The following PCDHA3 variants were observed in gnomAD, a reference collection of about 807,000 sequenced individuals.
The protein encoded by PCDHA3 is protocadherin alpha-3.
Under a neutral mutation model 62.2 loss-of-function variants are expected in PCDHA3, and 41 were observed. The ratio of observed to expected loss-of-function variants is 0.66; its 90% confidence interval spans 0.51 to 0.86. The LOEUF (loss-of-function observed/expected upper bound fraction) is 0.86, where lower values mean the gene tolerates loss of function less well. PCDHA3 is among the 40% of genes least tolerant of loss of function. The pLI, the probability that PCDHA3 is intolerant of heterozygous loss-of-function variation, is 0.00. For missense variants in PCDHA3, 1,304 were observed against 1,241.2 expected (o/e 1.05, Z -0.76); for synonymous variants, 640 against 555.4 (o/e 1.15, Z -2.14).
intron 1 of PCDHA3, among the ~76,000 whole-genome samples, chr5:140,910,829 C>G (rs938702955): frequency 6.6e-6 from 1 of 152,184 alleles, no homozygotes; most frequent in Non-Finnish European, 1.5e-5. Flanking sequence ...TAAATTCAGC[C>G]TGATCCAATG....
At chr5:140,863,270 T>C (rs1554158046) in intron 1 of PCDHA3, 1 of 1,459,904 alleles carries the variant, frequency 6.8e-7, no homozygotes, top group Admixed American at 1.8e-5. Flanking sequence ...GAGGCAGCGC[T>C]GGTGGATGTC....
intron 1 of PCDHA3, among the ~76,000 whole-genome samples, chr5:140,970,875 AT>A (rs1213440334): frequency 6.6e-6 from 1 of 152,100 alleles, no homozygotes; most frequent in African/African-American, 2.4e-5. Flanking sequence ...TTGAGAGTAG[AT>A]TTTTCTCATG....
At chr5:140,990,836 C>G (rs1358432111) in intron 3 of PCDHA3, among the ~76,000 whole-genome samples, 1 of 152,120 alleles carries the variant, frequency 6.6e-6, no homozygotes, top group East Asian at 1.9e-4. Context: ...AGCCTATTAG[C>G]AAAAATAGAG....
At position 141,010,070 on chromosome 5, in the gene PCDHA3, C is replaced by A. The variant is rs1331011642; in HGVS notation, c.*133C>A. The A allele has an allele frequency of 3.7e-5, 60 of 1,605,422 alleles. No individual in the cohort carries two copies. Among genetic ancestry groups the A allele is most frequent in the Non-Finnish European group, 5.0e-5 (59 of 1,175,768 alleles). ...AGACCTCAGAAATCTGCAGAAAGTT[C>A]CCTGTGTCTGTCTAGAACGCATTTA... is the stretch of plus-strand genomic sequence containing the variant. On this transcript the variant is annotated 3_prime_UTR_variant, in exon 4 of 4. Coordinates refer to ENST00000522353, the MANE Select transcript of PCDHA3 (RefSeq NM_018906.3).
rs199785183 is a variant in PCDHA3 at position 140,850,432 on chromosome 5, G to T, written c.2394+46841G>T. On this transcript the variant is annotated intron_variant, in intron 1 of 3. Transcript: ENST00000522353. ...GACGAAACGGACGCACCGCGCCAGC[G>T]CCTACTGGTGCTGGTGAAAGACCAC... 1.6e-4 allele frequency: 251 copies of T among 1,597,712 alleles called. 21 individuals carry two copies. The highest frequency in any genetic ancestry group is 3.2e-4 in the Admixed American group (19 of 59,266).
At chr5:140,808,306 C>A (rs1210807010) in intron 1 of PCDHA3, 4 of 1,614,254 alleles carry the variant, frequency 2.5e-6, no homozygotes, top group East Asian at 4.5e-5. Flanking sequence ...CCCTGATCAG[C>A]GTGTCCGACA....
At chr5:140,818,133 G>A (rs1433395378) in intron 1 of PCDHA3, among the ~76,000 whole-genome samples, 10 of 152,200 alleles carry the variant, frequency 6.6e-5, no homozygotes, top group Non-Finnish European at 8.8e-5. Flanking sequence ...AGATTTAGCA[G>A]TATGCCTTCA....
rs1247544483 is a variant in PCDHA3, at chr5:140,836,573, C to T, written c.2394+32982C>T. 4.3e-6 allele frequency: 7 copies of T among 1,613,572 alleles called. 1 individual carries two copies. Among genetic ancestry groups the T allele is most frequent in the Non-Finnish European group, 5.9e-6 (7 of 1,179,840 alleles). ...GGTGCTCAGCGCCGTCCTCTGAGGGCGCATGTAGTTTGGTAAAGCCCACTC... is the reference window on the plus strand; with the variant it reads ...GGTGCTCAGCGCCGTCCTCTGAGGGTGCATGTAGTTTGGTAAAGCCCACTC... On this transcript the variant is annotated intron_variant, in intron 1 of 3. Coordinates refer to ENST00000522353, the MANE Select transcript of PCDHA3 (RefSeq NM_018906.3).
At position 140,884,316 on chromosome 5, in the gene PCDHA3, C is replaced by T. The variant is rs563652109; in HGVS notation, c.2394+80725C>T. The T allele has an allele frequency of 3.1e-6, 5 of 1,613,752 alleles. No individual in the cohort carries two copies. The East Asian group carries it at 8.9e-5, about 29-fold the overall frequency. On this transcript the variant is annotated intron_variant, in intron 1 of 3. Coordinates refer to ENST00000522353, the MANE Select transcript of PCDHA3 (RefSeq NM_018906.3). ...GCGCCACAGGCTTCGTCGAGGGCGT[C>T]GGCAGGCGCTGTGGGTCCAGAAGCG...
chr5:140,868,937 C>T (rs2050742656), intron 1 of PCDHA3: 1 of 1,209,168 alleles, frequency 8.3e-7, no homozygotes, highest in East Asian at 2.5e-5. Flanking sequence ...AAAGGTTGGT[C>T]TGAACAGTGA....
chr5:140,835,845 G>C, intron 1 of PCDHA3: 2 of 1,612,312 alleles, frequency 1.2e-6, no homozygotes, highest in Non-Finnish European at 1.7e-6. Context: ...GCAGAAGAAC[G>C]CGCTGGTGTC....
rs782081759 is a variant in PCDHA3, at chr5:140,803,272, C to T, written c.2075C>T (p.Ala692Val). 3.1e-6 allele frequency: 5 copies of T among 1,614,026 alleles called. No individual in the cohort carries two copies. The Admixed American group carries it at 5.0e-5, about 16-fold the overall frequency. Residue 692 changes from alanine to valine, a missense_variant, in exon 1 of 4, where the codon GCA becomes GTA. By Grantham distance (64) the Ala-to-Val change is moderately conservative. Transcript: ENST00000522353. ...GCTGGCGCCACGGGCCCGGAAGCTG[C>T]ACTGGTGGATGTCAACGTGTACTTG... Reference protein sequence around the residue: ...ASAGATGPEAALVDVNVYLIV... With the variant: ...ASAGATGPEAVLVDVNVYLIV...
intron 1 of PCDHA3, chr5:140,807,209 G>C (rs782421232): frequency 4.3e-6 from 7 of 1,613,838 alleles, no homozygotes; most frequent in Non-Finnish European, 5.9e-6. Context: ...CTGGGGAAGC[G>C]GCCAGGAATC....
At chr5:140,829,634 G>A (rs2150171830) in intron 1 of PCDHA3, 2 of 1,612,200 alleles carry the variant, frequency 1.2e-6, no homozygotes, top group African/African-American at 2.7e-5. Context: ...CGCGGAGAGC[G>A]GCAAGGTGTA....
chr5:141,006,426 G>A (rs2153987618), intron 3 of PCDHA3, among the ~76,000 whole-genome samples: 1 of 152,170 alleles, frequency 6.6e-6, no homozygotes, highest in Admixed American at 6.5e-5. Context: ...TGTTAGCCAG[G>A]ATGGTCTCAA....
chr5:141,011,997 A>G lies in PCDHA3; in HGVS notation c.*2060A>G, dbSNP rs2098422641. ...TGTCTACTTTTAGCTTCATTCTCCCATATTTTGAAGGGTGTGTAACTTCAG... is the reference window on the plus strand; with the variant it reads ...TGTCTACTTTTAGCTTCATTCTCCCGTATTTTGAAGGGTGTGTAACTTCAG... On this transcript the variant is annotated 3_prime_UTR_variant, in exon 4 of 4. Coordinates refer to ENST00000522353, the MANE Select transcript of PCDHA3 (RefSeq NM_018906.3). 1 of 153,712 alleles carries G rather than the reference A, an allele frequency of 6.5e-6. No homozygotes were observed. Among genetic ancestry groups the G allele is most frequent in the Non-Finnish European group, 1.5e-5 (1 of 68,034 alleles). 9.5% of individuals were successfully genotyped at this position (153,712 alleles called of 1,614,324 possible).
At chr5:140,956,551 C>T (rs995941205) in intron 1 of PCDHA3, among the ~76,000 whole-genome samples, 1 of 152,148 alleles carries the variant, frequency 6.6e-6, no homozygotes, top group Non-Finnish European at 1.5e-5. Context: ...ATTTGGTTTG[C>T]CAGTATCTTA....
chr5:140,956,707 C>T (rs1461272130), intron 1 of PCDHA3, among the ~76,000 whole-genome samples: 9 of 152,120 alleles, frequency 5.9e-5, no homozygotes, highest in Non-Finnish European at 1.3e-4. Flanking sequence ...TTTGGAATAG[C>T]TTCAGAAGAA....
rs554450758 is a variant in PCDHA3, at chr5:140,895,787, C to T, written c.2395-83162C>T. On this transcript the variant is annotated intron_variant, in intron 1 of 3. Coordinates refer to ENST00000522353, the MANE Select transcript of PCDHA3 (RefSeq NM_018906.3). ...TTTATGGCTGCATAGTATTCAATGA[C>T]GTATATGTACAATACTGTATTGTAT... 8.5e-5 allele frequency among the ~76,000 whole-genome samples: 13 copies of T among 152,124 alleles called. No homozygotes were observed. The South Asian group carries it at 2.1e-3, about 24-fold the overall frequency.
Sources: gnomAD v4.1 joint callset for allele counts (sites outside exome capture counted in the v4.1 genomes callset) on GRCh38, gnomAD v4.1.1 for gene constraint, MANE v1.5 for transcripts, NCBI Gene and HGNC (gene_info 2026-07-23, HGNC 2026-07-21) for gene names.